CLVS1: variants seen among roughly 807,000 people sequenced by gnomAD.
CLVS1 encodes the protein clavesin-1.
CLVS1 carries 10 observed loss-of-function variants against 33.1 expected under a neutral mutation model. The ratio of observed to expected loss-of-function variants is 0.30; its 90% CI spans 0.19 to 0.51. The LOEUF (loss-of-function observed/expected upper bound fraction) is 0.51, where lower values mean the gene tolerates loss of function less well. CLVS1 is among the 20% of genes least tolerant of loss of function. The pLI, the probability that CLVS1 is intolerant of heterozygous loss-of-function variation, is 0.97. For synonymous variants in CLVS1, 163 were observed against 166.1 expected (o/e 0.98, Z 0.14); for missense variants, 343 against 433.4 (o/e 0.79, Z 1.85).
intron 3 of CLVS1, among the ~76,000 whole-genome samples, chr8:61,445,287 T>A (rs1816712026): frequency 6.6e-6 from 1 of 152,212 alleles, no homozygotes; most frequent in Non-Finnish European, 1.5e-5. Context: ...TTTGGGTACA[T>A]AAGGATTGAT....
the CLVS1 span, among the ~76,000 whole-genome samples, chr8:60,984,909 AC>A: frequency 1.3e-5 from 2 of 151,644 alleles, no homozygotes; most frequent in African/African-American, 2.4e-5. Flanking sequence ...CCTCCTCTTA[AC>A]CCCCTTGCTG....
At chr8:61,186,057 G>T (rs4033378) in intron 2 of CLVS1, among the ~76,000 whole-genome samples, 2 of 152,246 alleles carry the variant, frequency 1.3e-5, no homozygotes, top group South Asian at 4.1e-4. Context: ...GGGTAGGGGA[G>T]GATGCTTCCT....
At chr8:61,489,627 T>C (rs981611739) in intron 5 of CLVS1, among the ~76,000 whole-genome samples, 4 of 152,170 alleles carry the variant, frequency 2.6e-5, no homozygotes, top group Non-Finnish European at 5.9e-5. Flanking sequence ...GAACCTGGCA[T>C]GTAGTAAGTG....
chr8:61,484,279 A>G (rs981492819), intron 5 of CLVS1, among the ~76,000 whole-genome samples: 1 of 152,210 alleles, frequency 6.6e-6, no homozygotes, highest in African/African-American at 2.4e-5. Flanking sequence ...AAAAATCACA[A>G]GCATTCCTGT....
intron 2 of CLVS1, among the ~76,000 whole-genome samples, chr8:61,160,220 G>A (rs1563425606): frequency 6.6e-6 from 1 of 152,142 alleles, no homozygotes; most frequent in Non-Finnish European, 1.5e-5. Context: ...CATATTGATA[G>A]TAGAAATTAA....
At chr8:61,477,277 C>T (rs1289942131) in intron 5 of CLVS1, among the ~76,000 whole-genome samples, 2 of 152,056 alleles carry the variant, frequency 1.3e-5, no homozygotes, top group African/African-American at 4.8e-5. Context: ...TGTTGTGTCT[C>T]TGCCAGGCTT....
At chr8:61,121,950 A>G (rs145747745) in intron 1 of CLVS1, among the ~76,000 whole-genome samples, 81 of 152,366 alleles carry the variant, frequency 5.3e-4, no homozygotes, top group African/African-American at 1.8e-3. Flanking sequence ...ACCCTGAAAT[A>G]CAACAGGAGG....
intron 2 of CLVS1, among the ~76,000 whole-genome samples, chr8:61,196,310 AGGGTGT>A (rs1343131620): frequency 1.3e-5 from 2 of 152,158 alleles, no homozygotes; most frequent in Non-Finnish European, 2.9e-5. Flanking sequence ...TATGAGTAAT[AGGGTGT>A]TGTGATACAG....
chr8:60,987,079 C>G, the CLVS1 span, among the ~76,000 whole-genome samples: 1 of 152,190 alleles, frequency 6.6e-6, no homozygotes, highest in Non-Finnish European at 1.5e-5. Context: ...AGTCCCTGCT[C>G]TCAGGCAAAT....
chr8:61,439,641 A>G (rs1293412826), intron 3 of CLVS1, among the ~76,000 whole-genome samples: 1 of 152,230 alleles, frequency 6.6e-6, no homozygotes, highest in East Asian at 1.9e-4. Flanking sequence ...TCTTCATACT[A>G]AAGGATTTCC....
At chr8:61,310,782 C>T (rs766819870) in intron 2 of CLVS1, among the ~76,000 whole-genome samples, 2 of 152,182 alleles carry the variant, frequency 1.3e-5, no homozygotes, top group African/African-American at 2.4e-5. Flanking sequence ...AAATGTTTTA[C>T]AAAATTTGGT....
At chr8:61,093,686 G>A (rs1057317736) in intron 1 of CLVS1, among the ~76,000 whole-genome samples, 22 of 152,154 alleles carry the variant, frequency 1.4e-4, no homozygotes, top group African/African-American at 3.4e-4. Context: ...GCTGATCTTC[G>A]TTGACTTTTC....
intron 2 of CLVS1, among the ~76,000 whole-genome samples, chr8:61,350,373 C>A (rs1413908143): frequency 6.6e-6 from 1 of 152,104 alleles, no homozygotes; most frequent in Admixed American, 6.6e-5. Flanking sequence ...CTCTCTATCT[C>A]CCAAGTGAGC....
the CLVS1 span, among the ~76,000 whole-genome samples, chr8:60,983,922 A>T: frequency 6.6e-6 from 1 of 152,258 alleles, no homozygotes; most frequent in African/African-American, 2.4e-5. Flanking sequence ...GCCCCCACCA[A>T]CACCTGCCCT....
At chr8:61,041,502 C>A in the CLVS1 span, among the ~76,000 whole-genome samples, 18 of 152,100 alleles carry the variant, frequency 1.2e-4, no homozygotes, top group Admixed American at 1.0e-3. Context: ...TCGCTGATTT[C>A]TTTCAGCAGT....
At chr8:61,268,126 A>C in intron 2 of CLVS1, among the ~76,000 whole-genome samples, 1 of 150,982 alleles carries the variant, frequency 6.6e-6, no homozygotes, top group South Asian at 2.1e-4. Flanking sequence ...CTAACTCATC[A>C]TCTAGCATTA....
chr8:61,275,236 T>C (rs1030002799), intron 2 of CLVS1, among the ~76,000 whole-genome samples: 1 of 152,192 alleles, frequency 6.6e-6, no homozygotes, highest in Non-Finnish European at 1.5e-5. Context: ...TGATCTTCAG[T>C]CTACCACATG....
intron 3 of CLVS1, among the ~76,000 whole-genome samples, chr8:61,384,303 C>G (rs1267684568): frequency 6.6e-6 from 1 of 152,146 alleles, no homozygotes; most frequent in Non-Finnish European, 1.5e-5. Context: ...CATATGGAAG[C>G]AAGATGGCAA....
chr8:61,106,832 C>A (rs1050227598), intron 1 of CLVS1, among the ~76,000 whole-genome samples: 1 of 152,028 alleles, frequency 6.6e-6, no homozygotes, highest in Non-Finnish European at 1.5e-5. Context: ...TATATTGAGA[C>A]CAAAAGATGG....
Sources: allele counts gnomAD v4.1 joint callset (sites outside exome capture counted in the v4.1 genomes callset), GRCh38; gene constraint gnomAD v4.1.1; transcripts MANE v1.5; gene names NCBI Gene and HGNC (gene_info 2026-07-23, HGNC 2026-07-21).